Variants in EYS observed in about 807,000 individuals in gnomAD.
EYS encodes EGF-like photoreceptor maintenance factor.
Under a neutral mutation model 282.1 loss-of-function variants are expected in EYS, and 250 were observed. The observed-to-expected ratio is 0.89, with a 90% CI of 0.80 to 0.98. The LOEUF is 0.98. EYS is among the 50% of genes least tolerant of loss of function. The pLI is 0.00. For synonymous variants in EYS, 1,355 were observed against 1,282.9 expected, an observed-to-expected ratio of 1.06 and a Z score of -1.20; for missense variants, 4,016 against 3,709.0, an observed-to-expected ratio of 1.08 and a Z score of -2.15.
At chr6:64,085,849 TC>T (rs1281076712) in intron 31 of EYS, among the ~76,000 whole-genome samples, 2 of 152,200 alleles carry the variant, frequency 1.3e-5, no homozygotes, top group Non-Finnish European at 2.9e-5. Context: ...CCTACCTGGT[TC>T]TGCATTTTAT....
intron 31 of EYS, among the ~76,000 whole-genome samples, chr6:64,188,953 TGATA>T (rs1313368018): frequency 1.3e-5 from 2 of 152,150 alleles, no homozygotes; most frequent in South Asian, 2.1e-4. Flanking sequence ...AGAAATACCT[TGATA>T]GATATTCTTT....
intron 31 of EYS, among the ~76,000 whole-genome samples, chr6:64,178,038 A>G (rs1764686703): frequency 6.6e-6 from 1 of 152,098 alleles, no homozygotes; most frequent in Admixed American, 6.6e-5. Flanking sequence ...AACCTAGCCA[A>G]TCAGTATTCT....
chr6:64,319,448 G>A (rs550723124), intron 29 of EYS, among the ~76,000 whole-genome samples: 17 of 152,008 alleles, frequency 1.1e-4, no homozygotes, highest in South Asian at 2.1e-4. Flanking sequence ...AAAGAACTTC[G>A]TTTAGCAGGA....
chr6:63,977,851 A>T (rs960829599), intron 35 of EYS, among the ~76,000 whole-genome samples: 1 of 152,048 alleles, frequency 6.6e-6, no homozygotes, highest in African/African-American at 2.4e-5. Flanking sequence ...GAGAAACTAG[A>T]AAAAGAAGAG....
chr6:63,726,948 ATCT>A (rs763019394), intron 41 of EYS, among the ~76,000 whole-genome samples: 13 of 152,186 alleles, frequency 8.5e-5, no homozygotes, highest in South Asian at 4.1e-4. Context: ...TCTGACACAA[ATCT>A]TCTGCTCTAG....
intron 31 of EYS, among the ~76,000 whole-genome samples, chr6:64,196,351 C>G (rs1582412100): frequency 6.6e-6 from 1 of 152,296 alleles, no homozygotes; most frequent in East Asian, 1.9e-4. Context: ...CCTCAGGGAT[C>G]TTGAACTAGA....
chr6:64,495,870 TTC>T (rs1227536211), intron 26 of EYS, among the ~76,000 whole-genome samples: 1 of 151,932 alleles, frequency 6.6e-6, no homozygotes, highest in Non-Finnish European at 1.5e-5. Flanking sequence ...ATAATATATT[TTC>T]TGAGTATTAA....
At chr6:64,335,261 G>A (rs1301527261) in intron 29 of EYS, among the ~76,000 whole-genome samples, 4 of 26,036 alleles carry the variant, frequency 1.5e-4, no homozygotes, top group East Asian at 3.5e-3. Context: ...CCCCCCTCCC[G>A]ACTTACACTC....
chr6:65,074,988 C>A (rs774330723), intron 12 of EYS, among the ~76,000 whole-genome samples: 4 of 152,040 alleles, frequency 2.6e-5, no homozygotes, highest in Non-Finnish European at 5.9e-5. Context: ...TTAAAAGTCA[C>A]ATGATGTAAT....
intron 26 of EYS, among the ~76,000 whole-genome samples, chr6:64,550,598 A>C (rs576825644): frequency 2.6e-5 from 4 of 152,276 alleles, no homozygotes; most frequent in Admixed American, 2.6e-4. Flanking sequence ...ATAATGTTGG[A>C]AGTTCTGGCT....
chr6:64,722,085 T>C (rs1445531092), intron 22 of EYS, among the ~76,000 whole-genome samples: 1 of 152,092 alleles, frequency 6.6e-6, no homozygotes. Flanking sequence ...TACAGTAGAA[T>C]AGAAGTAGCT....
At chr6:65,520,608 A>ATATATACATATATGTGTGTATATATG (rs1435101387) in intron 2 of EYS, among the ~76,000 whole-genome samples, 139 of 152,048 alleles carry the variant, frequency 9.1e-4, no homozygotes, top group African/African-American at 3.2e-3. Context: ...TCTATTCCTG[A>ATATATACATATATGTGTGTATATATG]TATATACATA....
intron 15 of EYS, among the ~76,000 whole-genome samples, chr6:64,917,311 C>T (rs1768197042): frequency 6.6e-6 from 1 of 151,358 alleles, no homozygotes; most frequent in African/African-American, 2.4e-5. Flanking sequence ...TTTCTAATGA[C>T]TAAGCATTCT....
intron 31 of EYS, among the ~76,000 whole-genome samples, chr6:64,083,530 G>A (rs1444492757): frequency 6.6e-6 from 1 of 152,098 alleles, no homozygotes; most frequent in Non-Finnish European, 1.5e-5. Context: ...TTTGAATGGG[G>A]AGAAAGTAAG....
chr6:64,045,314 G>A (rs1240076788), intron 33 of EYS, among the ~76,000 whole-genome samples: 1 of 151,448 alleles, frequency 6.6e-6, no homozygotes, highest in East Asian at 1.9e-4. Context: ...TTTTACTGAG[G>A]TGGATACTGC....
intron 12 of EYS, among the ~76,000 whole-genome samples, chr6:65,061,815 G>A (rs1225004162): frequency 6.6e-6 from 1 of 151,834 alleles, no homozygotes; most frequent in Non-Finnish European, 1.5e-5. Context: ...GAACCATCAT[G>A]TAGGAATCAT....
At chr6:64,502,485 G>A (rs1167793282) in intron 26 of EYS, among the ~76,000 whole-genome samples, 1 of 152,178 alleles carries the variant, frequency 6.6e-6, no homozygotes, top group Non-Finnish European at 1.5e-5. Flanking sequence ...CCTCCCAAAA[G>A]TGCTGGGATT....
At chr6:64,073,489 T>C (rs1482313845) in intron 32 of EYS, among the ~76,000 whole-genome samples, 2 of 151,806 alleles carry the variant, frequency 1.3e-5, no homozygotes, top group African/African-American at 2.4e-5. Context: ...CTCTGGTTTT[T>C]CCAAACAGTA....
intron 33 of EYS, 90 bp downstream of exon 33, chr6:64,066,247 CA>C: frequency 8.5e-7 from 1 of 1,176,006 alleles, no homozygotes; most frequent in African/African-American, 1.6e-5. Flanking sequence ...CACTGCGCTC[CA>C]GACTGGGTGA....
Sources: allele counts gnomAD v4.1 joint callset (sites outside exome capture counted in the v4.1 genomes callset), GRCh38; gene constraint gnomAD v4.1.1; transcripts MANE v1.5; gene names NCBI Gene and HGNC (gene_info 2026-07-23, HGNC 2026-07-21).